The following DNAH11 variants were observed in gnomAD, a reference collection of about 807,000 sequenced individuals.
The protein encoded by DNAH11 is dynein axonemal heavy chain 11.
Under a neutral mutation model 526.0 loss-of-function variants are expected in DNAH11, and 442 were observed. The ratio of observed to expected loss-of-function variants is 0.84; its 90% CI spans 0.78 to 0.91. The LOEUF is 0.91. Among genes scored for constraint, DNAH11 ranks in the 40% least tolerant of loss-of-function variants. The pLI, the probability that DNAH11 is intolerant of heterozygous loss-of-function variation, is 0.00. For synonymous variants in DNAH11, 2,461 were observed against 1,935.9 expected (o/e 1.27, Z -7.12); for missense variants, 6,989 against 5,448.7 (o/e 1.28, Z -8.90).
At chr7:21,773,223 C>G (rs948781952) in intron 55 of DNAH11, among the ~76,000 whole-genome samples, 2 of 152,002 alleles carry the variant, frequency 1.3e-5, no homozygotes, top group Admixed American at 1.3e-4. Context: ...GTTTTCTTTC[C>G]CAAATATGAA....
chr7:21,747,448 A>G (rs570730788), intron 51 of DNAH11, among the ~76,000 whole-genome samples: 1 of 152,192 alleles, frequency 6.6e-6, no homozygotes, highest in African/African-American at 2.4e-5. Context: ...GAGCAAAATG[A>G]TGGCATCAAA....
chr7:21,887,483 G>A (rs1334598035), intron 76 of DNAH11, among the ~76,000 whole-genome samples: 1 of 152,022 alleles, frequency 6.6e-6, no homozygotes, highest in East Asian at 1.9e-4. Context: ...AAAAAACAAA[G>A]ACAAAAAACA....
intron 51 of DNAH11, among the ~76,000 whole-genome samples, chr7:21,746,761 T>C (rs749179444): frequency 2.0e-5 from 3 of 152,212 alleles, no homozygotes; most frequent in Non-Finnish European, 1.5e-5. Flanking sequence ...GGTAGTTTTA[T>C]TGATCCCTTT....
At chr7:21,658,457 C>A (rs1233809780) in intron 29 of DNAH11, among the ~76,000 whole-genome samples, 3 of 152,086 alleles carry the variant, frequency 2.0e-5, no homozygotes, top group Non-Finnish European at 1.5e-5. Context: ...CTGTGTGTTA[C>A]CAGAGGGGAA....
intron 39 of DNAH11, among the ~76,000 whole-genome samples, chr7:21,706,035 A>C (rs1005337035): frequency 2.0e-5 from 3 of 152,228 alleles, no homozygotes; most frequent in Non-Finnish European, 4.4e-5. Flanking sequence ...AACAAACCGA[A>C]ATATTTTCCT....
intron 66 of DNAH11, among the ~76,000 whole-genome samples, chr7:21,845,717 A>C (rs1007135432): frequency 2.8e-4 from 43 of 152,144 alleles, no homozygotes; most frequent in African/African-American, 1.0e-3. Context: ...ATGATTTTTA[A>C]TATAAACTTT....
At chr7:21,599,612 A>G (rs1469509236) in intron 14 of DNAH11, among the ~76,000 whole-genome samples, 175 bp from the exon 15 acceptor site, 1 of 152,220 alleles carries the variant, frequency 6.6e-6, no homozygotes, top group Non-Finnish European at 1.5e-5. Context: ...AATGTTCTAA[A>G]TTCCTGCTTA....
rs1188143924 is a variant in DNAH11, at chr7:21,656,126, T to C, written c.5094+145T>C. ...GCTCGGAGGTTCCTTTTTATCTGTA[T>C]CCACTGTGACAGAGGGCTCTTCTGC... On this transcript the variant is annotated intron_variant, in intron 29 of 81. Transcript: ENST00000409508. 1.3e-5 allele frequency: 12 copies of C among 916,852 alleles called. No homozygotes were observed. The African/African-American group carries it at 2.0e-4, about 16-fold the overall frequency. The allele number at this position is 916,852 out of a possible 1,614,324, so 56.8% of individuals were successfully genotyped here.
chr7:21,658,911 T>C lies in DNAH11; in HGVS notation c.5208T>C (p.Asp1736=). 1.9e-6 allele frequency: 3 copies of C among 1,610,360 alleles called. No homozygotes were observed. The highest frequency in any genetic ancestry group is 2.5e-6 in the Non-Finnish European group (3 of 1,178,428). Residue 1736 remains aspartate, a synonymous_variant, in exon 30 of 82, where the codon GAT becomes GAC. Transcript: ENST00000409508. Reference sequence around the variant, plus strand: ...AACCTAGGGAACTGTGGATTTTTGATTTCCCAGCTCAGGTTGCACTAACCA... The same window carrying C: ...AACCTAGGGAACTGTGGATTTTTGACTTCCCAGCTCAGGTTGCACTAACCA... ...EEKPRELWIF[D]FPAQVALTSS...
At chr7:21,885,541 T>C (rs1784096402) in intron 76 of DNAH11, among the ~76,000 whole-genome samples, 1 of 152,052 alleles carries the variant, frequency 6.6e-6, no homozygotes, top group Non-Finnish European at 1.5e-5. Flanking sequence ...TCGTGTCCTA[T>C]TGCACAGTAG....
In DNAH11 at chr7:21,637,376, G is replaced by A. The variant is rs1018294946; in HGVS notation, c.4726-235G>A. Among the ~76,000 whole-genome samples, 2 of 152,044 alleles carry A rather than the reference G, an allele frequency of 1.3e-5. 1 individual carries two copies. The highest frequency in any genetic ancestry group is 4.1e-4 in the South Asian group (2 of 4,824). Reference sequence around the variant, plus strand: ...AAAAATTCTGTGTGGGCCTAAAGTGGTGACAGTGCTTATCACATTTATTTT... The same window carrying A: ...AAAAATTCTGTGTGGGCCTAAAGTGATGACAGTGCTTATCACATTTATTTT... On this transcript the variant is annotated intron_variant, in intron 26 of 81. Coordinates refer to ENST00000409508, the MANE Select transcript of DNAH11 (RefSeq NM_001277115.2).
At chr7:21,755,226 G>A (rs1200038845) in intron 54 of DNAH11, among the ~76,000 whole-genome samples, 1 of 152,198 alleles carries the variant, frequency 6.6e-6, no homozygotes, top group Non-Finnish European at 1.5e-5. Context: ...CATCAGATGT[G>A]TGTCCTTGGA....
At chr7:21,714,602 A>C (rs7799799) in intron 42 of DNAH11, among the ~76,000 whole-genome samples, 423 of 152,296 alleles carry the variant, frequency 2.8e-3, no homozygotes, top group African/African-American at 9.7e-3. Flanking sequence ...CCAATTTTCC[A>C]AGCGAATCTC....
chr7:21,863,080 G>T (rs13309092), intron 69 of DNAH11, among the ~76,000 whole-genome samples: 1 of 39,012 alleles, frequency 2.6e-5, no homozygotes, highest in Non-Finnish European at 5.3e-5. Context: ...AAAAAAAAAA[G>T]AAAAAGAAAA....
At chr7:21,691,957 A>G (rs896872193) in intron 35 of DNAH11, among the ~76,000 whole-genome samples, 1 of 152,230 alleles carries the variant, frequency 6.6e-6, no homozygotes, top group Non-Finnish European at 1.5e-5. Flanking sequence ...TAAAATCCCT[A>G]TTGATGACCT....
chr7:21,776,398 A>C (rs988575618), intron 56 of DNAH11, among the ~76,000 whole-genome samples: 1 of 152,218 alleles, frequency 6.6e-6, no homozygotes, highest in Non-Finnish European at 1.5e-5. Flanking sequence ...TCCTATGTGG[A>C]GAATTGGAGA....
In DNAH11 at chr7:21,901,090, A is replaced by G. The variant is rs1465575994; in HGVS notation, c.13387A>G (p.Lys4463Glu). Reference sequence around the variant, plus strand: ...ATGCCCTATGCCGGTCATCTTTGCAAAAGCCACCCCCGTGGACAGACAAGA... The same window carrying G: ...ATGCCCTATGCCGGTCATCTTTGCAGAAGCCACCCCCGTGGACAGACAAGA... Reference protein sequence around the residue: ...LACPMPVIFAKATPVDRQETK... With the variant: ...LACPMPVIFAEATPVDRQETK... Residue 4463 changes from lysine (K) to glutamate (E), a missense_variant, in exon 82 of 82, where the codon AAA becomes GAA. Physicochemically the swap from Lys to Glu is moderately conservative, Grantham distance 56 (BLOSUM62 1). Coordinates refer to ENST00000409508, the MANE Select transcript of DNAH11 (RefSeq NM_001277115.2). The G allele has an allele frequency of 6.2e-7, 1 of 1,613,818 alleles. No homozygotes were observed. The highest frequency in any genetic ancestry group is 1.3e-5 in the African/African-American group (1 of 74,902).
intron 73 of DNAH11, among the ~76,000 whole-genome samples, chr7:21,870,595 G>A (rs77041584): frequency 6.6e-6 from 1 of 152,162 alleles, no homozygotes; most frequent in Non-Finnish European, 1.5e-5. Flanking sequence ...CAGTGGCTCA[G>A]ACTGGAGAGA....
intron 5 of DNAH11, among the ~76,000 whole-genome samples, chr7:21,563,017 T>C (rs925278751): frequency 6.6e-6 from 1 of 152,074 alleles, no homozygotes; most frequent in African/African-American, 2.4e-5. Flanking sequence ...ATAATAAAAT[T>C]TGTTCTCAGT....
Sources: gnomAD v4.1 joint callset for allele counts (sites outside exome capture counted in the v4.1 genomes callset) on GRCh38, gnomAD v4.1.1 for gene constraint, MANE v1.5 for transcripts, NCBI Gene and HGNC (gene_info 2026-07-23, HGNC 2026-07-21) for gene names.